Variants in NUP188 observed in about 807,000 individuals in gnomAD.
NUP188 encodes the protein nucleoporin NUP188.
NUP188 carries 97 observed loss-of-function variants against 223.0 expected under a neutral mutation model. The observed-to-expected ratio is 0.43, with a 90% CI of 0.37 to 0.51. The LOEUF (loss-of-function observed/expected upper bound fraction) is 0.51, where lower values mean the gene tolerates loss of function less well. Among genes scored for constraint, NUP188 ranks in the 20% least tolerant of loss-of-function variants. The pLI is 0.00. For missense variants in NUP188, 1,947 were observed against 2,175.6 expected, an observed-to-expected ratio of 0.89 and a Z score of 2.09; for synonymous variants, 869 against 828.0, an observed-to-expected ratio of 1.05 and a Z score of -0.85.
At chr9:128,962,121 G>C (rs1252171615) in intron 8 of NUP188, among the ~76,000 whole-genome samples, 1 of 144,856 alleles carries the variant, frequency 6.9e-6, no homozygotes, top group Non-Finnish European at 1.5e-5. Context: ...TTTGAGTAGA[G>C]ATGGGGTTTC....
Position 128,949,179 on chromosome 9 carries a change from C to G in NUP188, c.33-10C>G, listed in dbSNP as rs767581606. The G allele has an allele frequency of 1.2e-6, 2 of 1,607,422 alleles. No homozygotes were observed. Among genetic ancestry groups the G allele is most frequent in the East Asian group, 4.5e-5 (2 of 44,778 alleles). ...AAGAGCAAAATTACCTCTGTTCTCT[C>G]ATTTTGCAGGAGCAGTAGAGAACTG... On this transcript the variant is annotated splice_polypyrimidine_tract_variant and intron_variant, in intron 1 of 43. Transcript: ENST00000372577.
intron 23 of NUP188, 104 bp from the exon 24 acceptor site, chr9:128,987,943 G>A: frequency 7.2e-7 from 1 of 1,383,126 alleles, no homozygotes; most frequent in Non-Finnish European, 1.0e-6. Flanking sequence ...AACAGAAGCT[G>A]TTGAACTCTG....
At chr9:128,980,285 C>T (rs1178790951) in intron 13 of NUP188, among the ~76,000 whole-genome samples, 2 of 152,056 alleles carry the variant, frequency 1.3e-5, no homozygotes, top group African/African-American at 2.4e-5. Context: ...TGTGTGGTAG[C>T]CAACTGCTGA....
intron 17 of NUP188, 27 bp from the exon 18 acceptor site, chr9:128,983,266 G>A: frequency 3.1e-6 from 5 of 1,590,128 alleles, no homozygotes; most frequent in Non-Finnish European, 4.3e-6. Flanking sequence ...TTGCTTTATT[G>A]AGTATAGTGT....
At position 128,987,907 on chromosome 9, in the gene NUP188, C is replaced by G. The variant is rs539837083; in HGVS notation, c.2394-140C>G. ...GCAAAGGGAGTTGATTACTCCTCCT[C>G]TCTCCTAGTTTGGACTGGGGCCTCT... On this transcript the variant is annotated intron_variant, in intron 23 of 43. Coordinates refer to ENST00000372577, the MANE Select transcript of NUP188 (RefSeq NM_015354.3). 2.5e-4 allele frequency: 295 copies of G among 1,173,374 alleles called. 3 individuals are homozygous for G. The South Asian group carries it at 4.0e-3, about 16-fold the overall frequency. 72.7% of individuals were successfully genotyped at this position (1,173,374 alleles called of 1,614,324 possible).
At chr9:128,984,119 G>T (rs1286272097) in intron 19 of NUP188, among the ~76,000 whole-genome samples, 1 of 119,336 alleles carries the variant, frequency 8.4e-6, no homozygotes, top group Non-Finnish European at 1.6e-5. Flanking sequence ...ACCGCGCCTG[G>T]CCTGATTTTT....
chr9:128,982,401 G>T (rs774607808), intron 15 of NUP188, 148 bp from the exon 16 acceptor site: 3 of 697,848 alleles, frequency 4.3e-6, no homozygotes, highest in Non-Finnish European at 4.7e-6. Context: ...CTGCACTCCA[G>T]CCTGGGCAAG....
In NUP188 at chr9:128,958,015, A is replaced by T. The variant is rs773933522; in HGVS notation, c.333A>T (p.Val111=). 7 of 1,612,832 alleles carry T rather than the reference A, an allele frequency of 4.3e-6. No homozygotes were observed. Among genetic ancestry groups the T allele is most frequent in the Middle Eastern group, 1.6e-4 (1 of 6,080 alleles). The change falls in exon 6 of 44, where the codon GTA becomes GTT. Residue 111 remains valine, a synonymous_variant. Transcript: ENST00000372577. ...TGCTCTGTTTTTCTTTTCAGACAGT[A>T]CTGCAAGATGAGAGGCAGAGCCAGG... The part of the protein sequence containing the change: ...YRGTRDSVKT[V]LQDERQSQAL...
chr9:128,982,180 C>T (rs1842263729), intron 15 of NUP188, among the ~76,000 whole-genome samples: 1 of 152,116 alleles, frequency 6.6e-6, no homozygotes, highest in Non-Finnish European at 1.5e-5. Context: ...CTGTGAATCC[C>T]AGAACTTTGG....
chr9:128,998,394 G>A (rs966930829), intron 31 of NUP188, 144 bp from the exon 32 acceptor site: 2 of 961,192 alleles, frequency 2.1e-6, no homozygotes, highest in Non-Finnish European at 3.3e-6. Context: ...CTCTGCTGCT[G>A]CCATGCCAAC....
chr9:128,999,872 G>A (rs1842609823), intron 34 of NUP188, 67 bp downstream of exon 34: 2 of 1,465,310 alleles, frequency 1.4e-6, no homozygotes, highest in East Asian at 2.3e-5. Flanking sequence ...CTGACTCTGG[G>A]GATAAGTAGT....
At chr9:128,950,833 C>T (rs1365872173) in intron 2 of NUP188, among the ~76,000 whole-genome samples, 1 of 152,014 alleles carries the variant, frequency 6.6e-6, no homozygotes, top group Admixed American at 6.6e-5. Flanking sequence ...CTCAAAAAAG[C>T]AAAAAGCTTT....
chr9:128,993,617 G>T lies in NUP188; in HGVS notation c.2940G>T (p.Leu980=). ...ATCGATACTGGTGCCCACCCCTGCT[G>T]CATCGTGCCGCCATTGCCTTTTTGC... is the stretch of plus-strand genomic sequence containing the variant. ...QQDRYWCPPL[L]HRAAIAFLHA... Residue 980 remains leucine (L), a synonymous_variant, in exon 27 of 44, where the codon CTG becomes CTT. Coordinates refer to ENST00000372577, the MANE Select transcript of NUP188 (RefSeq NM_015354.3). 1 of 1,614,208 alleles carries T rather than the reference G, an allele frequency of 6.2e-7. No individual in the cohort carries two copies.
intron 8 of NUP188, among the ~76,000 whole-genome samples, chr9:128,964,693 C>T (rs746761236): frequency 3.4e-5 from 5 of 149,092 alleles, no homozygotes; most frequent in Non-Finnish European, 7.4e-5. Context: ...CAAGAGCCAA[C>T]ATTTTAATTT....
At chr9:128,993,103 A>G (rs554736737) in intron 25 of NUP188, 94 bp from the exon 26 acceptor site, 27 of 1,075,918 alleles carry the variant, frequency 2.5e-5, no homozygotes, top group African/African-American at 2.0e-4. Context: ...CTTTCTGCCA[A>G]TTTTCTGGGA....
At chr9:128,979,932 T>A (rs1842232950) in intron 13 of NUP188, among the ~76,000 whole-genome samples, 1 of 152,132 alleles carries the variant, frequency 6.6e-6, no homozygotes, top group Admixed American at 6.6e-5. Context: ...GAGCCCGGCC[T>A]TCCAACCCAC....
intron 25 of NUP188, among the ~76,000 whole-genome samples, chr9:128,992,305 G>A (rs1459252927): frequency 2.0e-5 from 3 of 152,150 alleles, no homozygotes; most frequent in Non-Finnish European, 4.4e-5. Flanking sequence ...CGATTCTCCT[G>A]TCTAAGCCTC....
chr9:128,962,248 C>CTT lies in NUP188; in HGVS notation c.585+3131_585+3132dup, dbSNP rs1227664142. Reference sequence around the variant, plus strand: ...TTGCACCTGACCAACACACCATACTCTTTTTTTTTTTTTTTTTTGAGACGG... The same window carrying CTT: ...TTGCACCTGACCAACACACCATACTCTTTTTTTTTTTTTTTTTTTTGAGACGG... On this transcript the variant is annotated intron_variant, in intron 8 of 43. Coordinates refer to ENST00000372577, the MANE Select transcript of NUP188 (RefSeq NM_015354.3). Among the ~76,000 whole-genome samples the CTT allele has an allele frequency of 4.7e-3, 625 of 132,164 alleles. 10 individuals carry two copies. The highest frequency in any genetic ancestry group is 0.033 in the East Asian group (149 of 4,560). 86.7% of individuals were successfully genotyped at this position (132,164 alleles called of 152,430 possible). A position where few individuals can be genotyped will look rare whatever the true frequency, so the allele number is the denominator to read the frequency against.
intron 28 of NUP188, 79 bp downstream of exon 28, chr9:128,994,521 A>G: frequency 1.1e-6 from 1 of 919,298 alleles, no homozygotes; most frequent in Non-Finnish European, 1.8e-6. Context: ...GGGGCCGTAG[A>G]CAATGATACC....
Sources: gnomAD v4.1 joint callset for allele counts (sites outside exome capture counted in the v4.1 genomes callset) on GRCh38, gnomAD v4.1.1 for gene constraint, MANE v1.5 for transcripts, NCBI Gene and HGNC (gene_info 2026-07-23, HGNC 2026-07-21) for gene names.